The following SRSF1 variants were observed in gnomAD, a reference collection of about 807,000 sequenced individuals.
SRSF1 encodes the protein serine/arginine-rich splicing factor 1.
In SRSF1, 1 loss-of-function variant was observed where a neutral mutation model predicts 25.9. The observed-to-expected ratio is 0.04, with a 90% CI of 0.01 to 0.18. SRSF1 has a LOEUF of 0.18. Ranked by LOEUF, SRSF1 falls within the 10% of genes least tolerant of loss-of-function variation. The pLI is 1.00. For missense variants in SRSF1, 65 were observed against 350.5 expected, an observed-to-expected ratio of 0.19 and a Z score of 6.50; for synonymous variants, 132 against 126.2, an observed-to-expected ratio of 1.05 and a Z score of -0.31.
In SRSF1 at chr17:58,006,337, A is replaced by G. The variant is rs1240359979; in HGVS notation, c.379+6T>C. On this transcript the variant is annotated splice_donor_region_variant and intron_variant, in intron 2 of 3. Transcript: ENST00000258962. ...TCACATCAATCCACACAACCAGTAC[A>G]CTCACCAGAGACAACCACTCTGTTT... 1.2e-6 allele frequency: 2 copies of G among 1,608,794 alleles called. No homozygotes were observed. The highest frequency in any genetic ancestry group is 1.7e-6 in the Non-Finnish European group (2 of 1,177,284).
At chr17:57,996,668 AT>A (rs1351982658), downstream of SRSF1, among the ~76,000 whole-genome samples, 1 of 152,118 alleles carries the variant, frequency 6.6e-6, no homozygotes. Context: ...TGCTTCAGTC[AT>A]TAGGTGTGAT....
At chr17:57,999,891 A>G (rs189700361), downstream of SRSF1, among the ~76,000 whole-genome samples, 2 of 152,186 alleles carry the variant, frequency 1.3e-5, no homozygotes, top group Non-Finnish European at 2.9e-5. Flanking sequence ...GTTGGCACTT[A>G]TAAGTTGTCT....
rs2075410460 is a variant in SRSF1 at position 58,004,081 on chromosome 17, G to A, written c.*1325C>T. The A allele has an allele frequency of 6.6e-6, 1 of 152,616 alleles. No individual in the cohort carries two copies. The highest frequency in any genetic ancestry group is 2.4e-5 in the African/African-American group (1 of 41,452). The allele number at this position is 152,616 out of a possible 1,614,324, so 9.5% of individuals were successfully genotyped here. A position where few individuals can be genotyped will look rare whatever the true frequency, so the allele number is the denominator to read the frequency against. On this transcript the variant is annotated 3_prime_UTR_variant, in exon 4 of 4. Coordinates refer to ENST00000258962, the MANE Select transcript of SRSF1 (RefSeq NM_006924.5). ...AAAAAAGGTTTCTGGGGAATGATGA[G>A]TTATGTCTGTCATCAGTTTAACAGA...
In SRSF1 at chr17:58,004,742, C is replaced by T. The variant is rs1479875124; in HGVS notation, c.*664G>A. 5 of 379,734 alleles carry T rather than the reference C, an allele frequency of 1.3e-5. No homozygotes were observed. The highest frequency in any genetic ancestry group is 2.3e-5 in the Non-Finnish European group (5 of 214,434). 23.5% of individuals were successfully genotyped at this position (379,734 alleles called of 1,614,324 possible). On this transcript the variant is annotated 3_prime_UTR_variant, in exon 4 of 4. Transcript: ENST00000258962. Reference sequence around the variant, plus strand: ...GCAAAATAAGTTGCTACAAAATGGGCAATATAATTTTGCCACAATTGCCAA... The same window carrying T: ...GCAAAATAAGTTGCTACAAAATGGGTAATATAATTTTGCCACAATTGCCAA...
chr17:58,002,672 A>G lies in SRSF1; in HGVS notation c.*2734T>C, dbSNP rs1029538595. ...CAATGATTCATCCAAAGAAGCAGTTAATCTTGTGCACTCTTCCCTTTCAAA... is the reference window on the plus strand; with the variant it reads ...CAATGATTCATCCAAAGAAGCAGTTGATCTTGTGCACTCTTCCCTTTCAAA... On this transcript the variant is annotated 3_prime_UTR_variant, in exon 4 of 4. Transcript: ENST00000258962. Among the ~76,000 whole-genome samples the G allele has an allele frequency of 4.6e-5, 7 of 152,206 alleles. No homozygotes were observed. Among genetic ancestry groups the G allele is most frequent in the Non-Finnish European group, 1.0e-4 (7 of 68,036 alleles).
In SRSF1 at chr17:58,005,717, T is replaced by C; in HGVS notation, c.552+84A>G. The C allele has an allele frequency of 1.2e-6, 2 of 1,610,886 alleles. No individual in the cohort carries two copies. The highest frequency in any genetic ancestry group is 1.7e-6 in the Non-Finnish European group (2 of 1,177,698). On this transcript the variant is annotated intron_variant, in intron 3 of 3. Coordinates refer to ENST00000258962, the MANE Select transcript of SRSF1 (RefSeq NM_006924.5). The surrounding 1 kb of genome is among the most constrained non-coding windows in gnomAD (Gnocchi z 5.2). ...ATCTGGCAATTTACTTGGACAACCT[T>C]GCCTGAATCCTTACCTTGAAATTCC... is the stretch of plus-strand genomic sequence containing the variant.
chr17:57,996,780 G>A (rs2075367180), downstream of SRSF1, among the ~76,000 whole-genome samples: 1 of 152,122 alleles, frequency 6.6e-6, no homozygotes, highest in Non-Finnish European at 1.5e-5. Context: ...TCTTGGTTTT[G>A]AGAGAATTGT....
chr17:57,997,705 G>A (rs1033537900), downstream of SRSF1, among the ~76,000 whole-genome samples: 2 of 152,166 alleles, frequency 1.3e-5, no homozygotes, highest in Non-Finnish European at 2.9e-5. Context: ...GAGATGGGAA[G>A]ACAAATCCAA....
the SRSF1 span, chr17:57,989,540 G>A: frequency 2.5e-6 from 1 of 397,720 alleles, no homozygotes. Context: ...TATGGCTGGA[G>A]AATTCTACTG....
At chr17:58,006,215 TCACCC>T in intron 2 of SRSF1, 123 bp downstream of exon 2, 2 of 1,242,872 alleles carry the variant, frequency 1.6e-6, no homozygotes, top group Non-Finnish European at 2.2e-6. Flanking sequence ...TTTATTAAAT[TCACCC>T]AAAAACTAAA....
chr17:57,994,263 T>C, the SRSF1 span: 2 of 152,250 alleles, frequency 1.3e-5, no homozygotes, highest in African/African-American at 2.4e-5. Context: ...AAACTGATTC[T>C]GAAGCCTGAT....
chr17:57,999,137 TAGAA>T (rs2075375685), downstream of SRSF1, among the ~76,000 whole-genome samples: 2 of 152,108 alleles, frequency 1.3e-5, no homozygotes, highest in African/African-American at 4.8e-5. Flanking sequence ...GCCTAGAAAA[TAGAA>T]AACAGCTAAG....
chr17:58,007,195 G>A lies in SRSF1; in HGVS notation c.-58C>T, dbSNP rs1275395678. 5 of 1,591,056 alleles carry A rather than the reference G, an allele frequency of 3.1e-6. No homozygotes were observed. Among genetic ancestry groups the A allele is most frequent in the South Asian group, 1.1e-5 (1 of 89,750 alleles). ...GCCTTCCCACCAAGCCTAGCGCACG[G>A]CAGAGCGAGCCCGCAGCGGCACCAC... On this transcript the variant is annotated 5_prime_UTR_variant, in exon 1 of 4. Coordinates refer to ENST00000258962, the MANE Select transcript of SRSF1 (RefSeq NM_006924.5).
chr17:58,006,128 G>A (rs2143485673), intron 2 of SRSF1, 155 bp from the exon 3 acceptor site: 1 of 969,624 alleles, frequency 1.0e-6, no homozygotes, highest in Non-Finnish European at 1.5e-6. Context: ...GGAATCCAGA[G>A]TCCAAAATTA....
At chr17:57,998,685 T>C (rs1488830739), downstream of SRSF1, among the ~76,000 whole-genome samples, 1 of 152,212 alleles carries the variant, frequency 6.6e-6, no homozygotes, top group Non-Finnish European at 1.5e-5. Flanking sequence ...AGACTACTAG[T>C]TAACAGTAAC....
downstream of SRSF1, among the ~76,000 whole-genome samples, chr17:57,998,204 T>C (rs2075372315): frequency 6.6e-6 from 1 of 152,106 alleles, no homozygotes; most frequent in Non-Finnish European, 1.5e-5. Flanking sequence ...AGTGAGACCC[T>C]GTGTCAAAAA....
downstream of SRSF1, among the ~76,000 whole-genome samples, chr17:58,000,003 G>T (rs1396682203): frequency 1.3e-5 from 2 of 152,066 alleles, no homozygotes; most frequent in Admixed American, 1.3e-4. Flanking sequence ...GAAAAGTCAT[G>T]AATGACTTTT....
chr17:57,989,191 TAC>T, the SRSF1 span: 1 of 398,626 alleles, frequency 2.5e-6, no homozygotes, highest in Non-Finnish European at 4.4e-6. Context: ...GCGTCACTGC[TAC>T]TGGAACTTTG....
rs949222644 is a variant in SRSF1 at position 58,004,642 on chromosome 17, G to T, written c.*764C>A. The stretch of plus-strand genomic sequence containing the variant: ...AACAGCAGGTCACACATTAACAGTT[G>T]TAACTAAGCACTGTGACAAATTAGC... On this transcript the variant is annotated 3_prime_UTR_variant, in exon 4 of 4. Coordinates refer to ENST00000258962, the MANE Select transcript of SRSF1 (RefSeq NM_006924.5). 8.6e-6 allele frequency: 2 copies of T among 232,472 alleles called. No homozygotes were observed. The highest frequency in any genetic ancestry group is 2.2e-5 in the African/African-American group (1 of 44,550). The allele number at this position is 232,472 out of a possible 1,614,324, so 14.4% of individuals were successfully genotyped here. A position where few individuals can be genotyped will look rare whatever the true frequency, so the allele number is the denominator to read the frequency against.
Sources: allele counts gnomAD v4.1 joint callset (sites outside exome capture counted in the v4.1 genomes callset), GRCh38; gene constraint gnomAD v4.1.1; non-coding constraint Gnocchi (gnomAD v3.1); transcripts MANE v1.5; gene names NCBI Gene and HGNC (gene_info 2026-07-23, HGNC 2026-07-21).